MPP7: variants seen among roughly 807,000 people sequenced by gnomAD.
The protein encoded by MPP7 is MAGUK p55 subfamily member 7.
MPP7 carries 60 observed loss-of-function variants against 76.5 expected under a neutral mutation model. That is an observed-to-expected ratio of 0.78 (90% confidence interval 0.64 to 0.97). The LOEUF is 0.97. Among genes scored for constraint, MPP7 ranks in the 50% least tolerant of loss-of-function variants. The probability of loss-of-function intolerance (pLI) is 0.00; values close to 1 mark genes in which losing one functional copy is unlikely to be tolerated. For synonymous variants in MPP7, 237 were observed against 244.5 expected (o/e 0.97, Z 0.29); for missense variants, 641 against 694.0 (o/e 0.92, Z 0.86).
At position 28,150,036 on chromosome 10, in the gene MPP7, A is replaced by G. The variant is rs770195393; in HGVS notation, c.180T>C (p.Tyr60=). The G allele has an allele frequency of 4.3e-6, 7 of 1,613,518 alleles. No individual in the cohort carries two copies. In the East Asian group the frequency reaches 6.7e-5, roughly 15 times the overall value. The change falls in exon 4 of 17, where the codon TAT becomes TAC. Residue 60 remains tyrosine (Y), a synonymous_variant. Transcript: ENST00000683449. ...LVKIHEKLHY[Y]EKQSPVPILH... is the part of the protein sequence containing the mutation. ...GAATGGGCACCGGACTCTGCTTCTC[A>G]TAGTAGTGTAGTTTTTCATGAATCT...
chr10:28,240,000 G>A (rs1027433988), intron 1 of MPP7, among the ~76,000 whole-genome samples: 1 of 152,028 alleles, frequency 6.6e-6, no homozygotes, highest in Admixed American at 6.5e-5. Flanking sequence ...AAACACAAAA[G>A]AAAGTAGCAA....
intron 5 of MPP7, among the ~76,000 whole-genome samples, chr10:28,145,362 C>T (rs535134486): frequency 4.1e-4 from 62 of 152,254 alleles, no homozygotes; most frequent in African/African-American, 1.4e-3. Context: ...TTCAAATTAA[C>T]ACACTAGAGT....
Position 28,147,514 on chromosome 10 carries a change from AGCTCT to A in MPP7, c.279_283del (p.Arg93SerfsTer18), listed in dbSNP as rs1835747973. On this transcript the variant is annotated frameshift_variant, in exon 5 of 17. Coordinates refer to ENST00000683449, the MANE Select transcript of MPP7 (RefSeq NM_001318170.2). LOFTEE classifies it high-confidence loss of function. ...ATTGGGTTTTGACAGTAGTTTCAAC[AGCTCT>A]CTGATCTCACTGTTTAATGGCTTGT... The A allele has an allele frequency of 3.7e-6, 6 of 1,614,004 alleles. No individual in the cohort carries two copies. Among genetic ancestry groups the A allele is most frequent in the Non-Finnish European group, 3.4e-6 (4 of 1,179,968 alleles).
chr10:28,112,719 G>T (rs1834542746), intron 11 of MPP7, among the ~76,000 whole-genome samples: 1 of 152,170 alleles, frequency 6.6e-6, no homozygotes, highest in African/African-American at 2.4e-5. Context: ...TCAGAAGAGA[G>T]TTGGGATAGT....
intron 2 of MPP7, among the ~76,000 whole-genome samples, chr10:28,237,731 G>C (rs191918593): frequency 3.2e-4 from 48 of 152,262 alleles, no homozygotes; most frequent in African/African-American, 1.1e-3. Flanking sequence ...ATAAAACAGA[G>C]AACATTCCTT....
intron 12 of MPP7, among the ~76,000 whole-genome samples, chr10:28,084,025 T>C (rs1852889393): frequency 6.6e-6 from 1 of 152,186 alleles, no homozygotes. Context: ...AAGAACGTGT[T>C]AGGGGCTAAA....
At chr10:28,120,464 C>T (rs1175285579) in intron 9 of MPP7, 74 bp from the exon 10 acceptor site, 38 of 1,486,894 alleles carry the variant, frequency 2.6e-5, no homozygotes, top group Admixed American at 3.6e-5. Flanking sequence ...CTCCTAACTC[C>T]GACTCCAAAC....
chr10:28,236,445 T>C (rs760709643), intron 2 of MPP7, among the ~76,000 whole-genome samples: 1 of 151,806 alleles, frequency 6.6e-6, no homozygotes, highest in Non-Finnish European at 1.5e-5. Flanking sequence ...GAATAATAAA[T>C]AGGGCATAAC....
chr10:28,101,703 T>G (rs1366753734), intron 11 of MPP7, among the ~76,000 whole-genome samples: 5 of 152,132 alleles, frequency 3.3e-5, no homozygotes, highest in African/African-American at 1.2e-4. Flanking sequence ...TGTGAATTGA[T>G]TAGAACAAGT....
intron 11 of MPP7, among the ~76,000 whole-genome samples, chr10:28,113,583 C>A (rs1469512325): frequency 6.6e-6 from 1 of 152,082 alleles, no homozygotes; most frequent in Non-Finnish European, 1.5e-5. Flanking sequence ...CACAGGTGGA[C>A]ACTTAGGCAT....
At position 28,310,700 on chromosome 10, in the gene MPP7, A is replaced by G. The variant is rs561844344; in HGVS notation, c.-132+19229T>C. Among the ~76,000 whole-genome samples, 7 of 152,234 alleles carry G rather than the reference A, an allele frequency of 4.6e-5. No individual in the cohort carries two copies. In the East Asian group the frequency reaches 1.4e-3, roughly 29 times the overall value. On this transcript the variant is annotated intron_variant, in intron 2 of 11. Transcript: ENST00000441595. ...ATGCTTCTTAACAGGCTCTCCCCAAATGCACACACCTGGATCTACCTCATT... is the reference window on the plus strand; with the variant it reads ...ATGCTTCTTAACAGGCTCTCCCCAAGTGCACACACCTGGATCTACCTCATT...
chr10:28,120,736 G>T (rs1834810580), intron 8 of MPP7, 68 bp from the exon 9 acceptor site: 6 of 1,265,448 alleles, frequency 4.7e-6, no homozygotes, highest in Non-Finnish European at 5.7e-6. Flanking sequence ...AAAATAGGTA[G>T]AAAGTGAAAT....
intron 2 of MPP7, among the ~76,000 whole-genome samples, chr10:28,322,621 G>T (rs1291789722): frequency 3.9e-5 from 6 of 152,030 alleles, no homozygotes; most frequent in Admixed American, 3.9e-4. Flanking sequence ...TTTCCCAGGG[G>T]TAAAACTCAG....
chr10:28,225,585 G>A (rs916951161), intron 2 of MPP7, among the ~76,000 whole-genome samples: 2 of 152,120 alleles, frequency 1.3e-5, no homozygotes, highest in Non-Finnish European at 2.9e-5. Context: ...TAGTCATTAG[G>A]GAAATGCAAA....
At position 28,262,245 on chromosome 10, in the gene MPP7, A is replaced by G. The variant is rs1261638968; in HGVS notation, c.-131-23510T>C. Among the ~76,000 whole-genome samples the G allele has an allele frequency of 1.7e-4, 9 of 53,970 alleles. 1 individual carries two copies. The highest frequency in any genetic ancestry group is 2.4e-3 in the East Asian group (2 of 822). The allele number at this position is 53,970 out of a possible 152,430, so 35.4% of individuals were successfully genotyped here. On this transcript the variant is annotated intron_variant, in intron 1 of 16. Coordinates refer to ENST00000683449, the MANE Select transcript of MPP7 (RefSeq NM_001318170.2). ...TATATACATATATATATATATATACATATATATATATATGTATATATATAT... is the reference window on the plus strand; with the variant it reads ...TATATACATATATATATATATATACGTATATATATATATGTATATATATAT...
At chr10:28,075,443 C>T (rs1052174541) in intron 12 of MPP7, among the ~76,000 whole-genome samples, 1 of 152,178 alleles carries the variant, frequency 6.6e-6, no homozygotes, top group Non-Finnish European at 1.5e-5. Context: ...GCACCTCCCA[C>T]TTGTCTTATC....
intron 2 of MPP7, among the ~76,000 whole-genome samples, chr10:28,228,481 C>A (rs1838770381): frequency 6.6e-6 from 1 of 152,138 alleles, no homozygotes; most frequent in Non-Finnish European, 1.5e-5. Flanking sequence ...AGCAGCACTT[C>A]TTGGCCAGGC....
rs1180519956 is a variant in MPP7, at chr10:28,244,482, C to T, written c.-131-5747G>A. ...ATGTAAGAAAAGATGATTTATACAA[C>T]CAAAAACAAAAATTCCTAGTTTTCA... is the stretch of plus-strand genomic sequence containing the variant. On this transcript the variant is annotated intron_variant, in intron 1 of 16. Coordinates refer to ENST00000683449, the MANE Select transcript of MPP7 (RefSeq NM_001318170.2). Among the ~76,000 whole-genome samples, 5 of 151,726 alleles carry T rather than the reference C, an allele frequency of 3.3e-5. No homozygotes were observed. In the South Asian group the frequency reaches 1.0e-3, roughly 32 times the overall value.
intron 1 of MPP7, among the ~76,000 whole-genome samples, chr10:28,282,411 C>T (rs1840700226): frequency 6.6e-6 from 1 of 151,944 alleles, no homozygotes; most frequent in Admixed American, 6.5e-5. Context: ...ATCAAACGTA[C>T]TCACTCTGAG....
Sources: gnomAD v4.1 joint callset for allele counts (sites outside exome capture counted in the v4.1 genomes callset) on GRCh38, gnomAD v4.1.1 for gene constraint, MANE v1.5 for transcripts, NCBI Gene and HGNC (gene_info 2026-07-23, HGNC 2026-07-21) for gene names.